Variants in NDST3 observed in about 807,000 individuals in gnomAD.
NDST3 encodes the protein bifunctional heparan sulfate N-deacetylase/N-sulfotransferase 3.
Under a neutral mutation model 96.1 loss-of-function variants are expected in NDST3, and 58 were observed. The ratio of observed to expected loss-of-function variants is 0.60; its 90% CI spans 0.49 to 0.75. The LOEUF is 0.75. Ranked by LOEUF, NDST3 falls within the 30% of genes least tolerant of loss-of-function variation. The probability of loss-of-function intolerance (pLI) is 0.00; values close to 1 mark genes in which losing one functional copy is unlikely to be tolerated. For missense variants in NDST3, 788 were observed against 1,034.2 expected (o/e 0.76, Z 3.27); for synonymous variants, 333 against 359.7 (o/e 0.93, Z 0.84).
chr4:118,045,207 G>A (rs1397373110), intron 1 of NDST3, among the ~76,000 whole-genome samples: 2 of 151,932 alleles, frequency 1.3e-5, no homozygotes, highest in Non-Finnish European at 2.9e-5. Flanking sequence ...TATCTCAAAT[G>A]TCTCTTCAAA....
chr4:118,076,406 T>A (rs949126194), intron 2 of NDST3, among the ~76,000 whole-genome samples: 1 of 152,186 alleles, frequency 6.6e-6, no homozygotes, highest in Non-Finnish European at 1.5e-5. Context: ...AAGTTGCTCA[T>A]TTTCTCTCTG....
At chr4:118,070,576 T>G (rs1726971746) in intron 2 of NDST3, among the ~76,000 whole-genome samples, 1 of 152,048 alleles carries the variant, frequency 6.6e-6, no homozygotes, top group African/African-American at 2.4e-5. Context: ...GAAACAAATT[T>G]CCCAGCCTGT....
At position 118,116,727 on chromosome 4, in the gene NDST3, G is replaced by A. The variant is rs1012427540; in HGVS notation, c.1224+1767G>A. ...CAAACAATTAGCCAGGTGTGGTGGC[G>A]GGCGCCTGTAGTCCCAGCTACTCAG... On this transcript the variant is annotated intron_variant, in intron 4 of 13. Coordinates refer to ENST00000296499, the MANE Select transcript of NDST3 (RefSeq NM_004784.3). 5.9e-5 allele frequency among the ~76,000 whole-genome samples: 9 copies of A among 152,018 alleles called. No homozygotes were observed. The East Asian group carries it at 1.4e-3, about 23-fold the overall frequency.
At chr4:118,082,703 C>T (rs1041666298) in intron 2 of NDST3, among the ~76,000 whole-genome samples, 13 of 152,106 alleles carry the variant, frequency 8.5e-5, no homozygotes, top group Non-Finnish European at 1.6e-4. Flanking sequence ...AGTGTCTCTG[C>T]CCACAAGATA....
chr4:118,057,241 ATTG>A (rs1725501197), intron 2 of NDST3, among the ~76,000 whole-genome samples: 1 of 152,072 alleles, frequency 6.6e-6, no homozygotes, highest in Non-Finnish European at 1.5e-5. Flanking sequence ...TAGGTTGATA[ATTG>A]TTGATGATGT....
rs116111902 is a variant in NDST3, at chr4:118,059,119, C to T, written c.981+4228C>T. Among the ~76,000 whole-genome samples the T allele has an allele frequency of 4.1e-3, 623 of 152,130 alleles. 1 individual carries two copies. The highest frequency in any genetic ancestry group is 0.01 in the Middle Eastern group (3 of 294). On this transcript the variant is annotated intron_variant, in intron 2 of 13. Transcript: ENST00000296499. ...TGATTTCTGTAATAGGTACACATTCCTTTCAAACTTTGAGAAAATTCCTAA... is the reference window on the plus strand; with the variant it reads ...TGATTTCTGTAATAGGTACACATTCTTTTCAAACTTTGAGAAAATTCCTAA...
At chr4:118,172,431 G>A (rs114552743) in intron 6 of NDST3, among the ~76,000 whole-genome samples, 2,870 of 152,210 alleles carry the variant, frequency 0.019, 37 homozygotes, top group Non-Finnish European at 0.03. Flanking sequence ...GGGAAAATGT[G>A]TAAATAAATC....
At chr4:118,148,220 T>A (rs1467259526) in intron 6 of NDST3, among the ~76,000 whole-genome samples, 2 of 151,996 alleles carry the variant, frequency 1.3e-5, no homozygotes, top group East Asian at 3.9e-4. Flanking sequence ...ATCACTGGAA[T>A]CCAGGAGGCA....
At chr4:118,115,069 A>G in intron 4 of NDST3, 109 bp downstream of exon 4, 1 of 1,201,306 alleles carries the variant, frequency 8.3e-7, no homozygotes. Flanking sequence ...CCATATGATC[A>G]TTTGGAATAT....
rs531115304 is a variant in NDST3 at position 118,247,336 on chromosome 4, G to A, written c.2399+5187G>A. Among the ~76,000 whole-genome samples, 36 of 152,214 alleles carry A rather than the reference G, an allele frequency of 2.4e-4. No individual in the cohort carries two copies. The South Asian group carries it at 6.8e-3, about 29-fold the overall frequency. On this transcript the variant is annotated intron_variant, in intron 12 of 13. Transcript: ENST00000296499. ...GGAGGCCGAGGCAGGCAGATCACCC[G>A]AGGTCAGGAGTTCGAGACCAGCTTG...
intron 2 of NDST3, among the ~76,000 whole-genome samples, chr4:118,081,388 A>G (rs1228150654): frequency 6.7e-6 from 1 of 149,028 alleles, no homozygotes; most frequent in East Asian, 2.0e-4. Flanking sequence ...TATTTTTTAA[A>G]TGATGCATAC....
At chr4:118,223,578 C>G (rs1213369477) in intron 6 of NDST3, among the ~76,000 whole-genome samples, 1 of 151,964 alleles carries the variant, frequency 6.6e-6, no homozygotes, top group Non-Finnish European at 1.5e-5. Context: ...TCCTCTTATT[C>G]ATAGTTGTTA....
At chr4:118,218,738 G>C (rs10033927) in intron 6 of NDST3, among the ~76,000 whole-genome samples, 25,774 of 152,066 alleles carry the variant, frequency 0.17, 2,326 homozygotes, top group South Asian at 0.23. Context: ...GATAGGAAGA[G>C]AGGAAGTCAA....
At chr4:118,069,967 T>G (rs1578576561) in intron 2 of NDST3, among the ~76,000 whole-genome samples, 1 of 152,238 alleles carries the variant, frequency 6.6e-6, no homozygotes, top group South Asian at 2.1e-4. Context: ...GGGGGAAGGC[T>G]GATACAACCT....
At chr4:118,200,679 T>A (rs944526274) in intron 6 of NDST3, among the ~76,000 whole-genome samples, 1 of 152,192 alleles carries the variant, frequency 6.6e-6, no homozygotes, top group Non-Finnish European at 1.5e-5. Context: ...TTATTTGCCT[T>A]TTATAAGGAG....
chr4:118,228,831 G>T (rs570673553), intron 8 of NDST3, among the ~76,000 whole-genome samples: 26 of 152,260 alleles, frequency 1.7e-4, no homozygotes, highest in African/African-American at 6.0e-4. Flanking sequence ...ATAAATGGAA[G>T]CATGTATTCC....
At chr4:118,099,957 GAGTA>G (rs1729630268) in intron 2 of NDST3, among the ~76,000 whole-genome samples, 1 of 152,046 alleles carries the variant, frequency 6.6e-6, no homozygotes, top group Non-Finnish European at 1.5e-5. Flanking sequence ...ATTGTACAGT[GAGTA>G]AGTGTTCTTT....
intron 6 of NDST3, among the ~76,000 whole-genome samples, chr4:118,149,256 A>G (rs1401927591): frequency 6.6e-6 from 1 of 151,884 alleles, no homozygotes; most frequent in Non-Finnish European, 1.5e-5. Flanking sequence ...TTGGTTCCAT[A>G]TGAACTTTAA....
At chr4:118,147,631 A>G (rs973925512) in intron 6 of NDST3, among the ~76,000 whole-genome samples, 27 of 152,332 alleles carry the variant, frequency 1.8e-4, no homozygotes, top group African/African-American at 5.8e-4. Context: ...ATACTTAGAC[A>G]AAAGGAACTA....
Sources: allele counts gnomAD v4.1 joint callset (sites outside exome capture counted in the v4.1 genomes callset), GRCh38; gene constraint gnomAD v4.1.1; transcripts MANE v1.5; gene names NCBI Gene and HGNC (gene_info 2026-07-23, HGNC 2026-07-21).